The following TMEM74 variants were observed in gnomAD, a reference collection of about 807,000 sequenced individuals.
The protein encoded by TMEM74 is transmembrane protein 74.
TMEM74 carries 13 observed loss-of-function variants against 18.1 expected under a neutral mutation model. The ratio of observed to expected loss-of-function variants is 0.72; its 90% CI spans 0.47 to 1.14. The LOEUF is 1.14. Among genes scored for constraint, TMEM74 ranks in the 50% most tolerant of loss-of-function variants. The pLI is 0.00. For missense variants in TMEM74, 372 were observed against 375.9 expected (o/e 0.99, Z 0.09); for synonymous variants, 159 against 146.6 (o/e 1.08, Z -0.61).
chr8:108,612,786 C>G, intron 2 of TMEM74, among the ~76,000 whole-genome samples: 1 of 152,176 alleles, frequency 6.6e-6, no homozygotes, highest in Non-Finnish European at 1.5e-5. Context: ...TGCATCCTGG[C>G]TCTAGTTTCT....
intron 1 of TMEM74, among the ~76,000 whole-genome samples, chr8:108,681,831 A>G (rs1018611684): frequency 6.6e-6 from 1 of 152,168 alleles, no homozygotes; most frequent in Non-Finnish European, 1.5e-5. Flanking sequence ...TGTTGTGTGT[A>G]TTTTATTAAA....
At chr8:108,681,276 G>T (rs1252436469) in intron 1 of TMEM74, among the ~76,000 whole-genome samples, 3 of 152,184 alleles carry the variant, frequency 2.0e-5, no homozygotes, top group African/African-American at 4.8e-5. Context: ...ATACTACAAG[G>T]CTACAGTAAC....
intron 1 of TMEM74, among the ~76,000 whole-genome samples, chr8:108,729,143 G>T (rs1283207626): frequency 1.3e-5 from 2 of 152,126 alleles, no homozygotes; most frequent in Admixed American, 1.3e-4. Context: ...CCTTACTGAA[G>T]GCAAAGGGAA....
Position 108,706,809 on chromosome 8 carries a change from G to GTGTGTA in TMEM74, n.120-51373_120-51372insTACACA, listed in dbSNP as rs1481634678. 2.6e-4 allele frequency among the ~76,000 whole-genome samples: 40 copies of GTGTGTA among 151,396 alleles called. 1 individual carries two copies. Among genetic ancestry groups the GTGTGTA allele is most frequent in the South Asian group, 1.3e-3 (6 of 4,780 alleles). On this transcript the variant is annotated intron_variant and non_coding_transcript_variant, in intron 1 of 3. Transcript: ENST00000518838. ...TGTGTGTGTGTGTGTGTGTGTGTGT[G>GTGTGTA]TATGCAAGCACATGCATGTAAAATA...
At chr8:108,778,552 T>A (rs950478239), downstream of TMEM74, among the ~76,000 whole-genome samples, 2 of 152,198 alleles carry the variant, frequency 1.3e-5, no homozygotes, top group Admixed American at 1.3e-4. Context: ...AGGATGTAGA[T>A]AAGAATCTTG....
At chr8:108,763,044 T>C (rs1563545492) in intron 1 of TMEM74, among the ~76,000 whole-genome samples, 2 of 152,128 alleles carry the variant, frequency 1.3e-5, no homozygotes, top group Non-Finnish European at 2.9e-5. Flanking sequence ...TCCTCCAAAT[T>C]GTTTTCTTTT....
At chr8:108,608,489 T>C (rs981316534) in intron 3 of TMEM74, among the ~76,000 whole-genome samples, 4 of 152,112 alleles carry the variant, frequency 2.6e-5, no homozygotes, top group Non-Finnish European at 5.9e-5. Flanking sequence ...GTGGCAATAA[T>C]ACCTGGCACA....
intron 1 of TMEM74, among the ~76,000 whole-genome samples, chr8:108,726,593 G>A (rs997816438): frequency 6.6e-6 from 1 of 152,066 alleles, no homozygotes; most frequent in African/African-American, 2.4e-5. Flanking sequence ...GGAGATTCAC[G>A]AATCTTATCA....
intron 2 of TMEM74, among the ~76,000 whole-genome samples, chr8:108,623,258 C>T (rs1812460727): frequency 6.6e-6 from 1 of 152,102 alleles, no homozygotes; most frequent in African/African-American, 2.4e-5. Flanking sequence ...TTTCTAAATG[C>T]TGTGAAACAT....
chr8:108,655,696 T>C (rs1315822045), intron 1 of TMEM74, among the ~76,000 whole-genome samples: 3 of 152,180 alleles, frequency 2.0e-5, no homozygotes, highest in Non-Finnish European at 1.5e-5. Context: ...GTCTTCTTCA[T>C]AGGCATCAAC....
In TMEM74 at chr8:108,646,263, T is replaced by G. The variant is rs372570331; in HGVS notation, n.264+9030A>C. Among the ~76,000 whole-genome samples the G allele has an allele frequency of 6.0e-4, 91 of 152,152 alleles. 1 individual carries two copies. Among genetic ancestry groups the G allele is most frequent in the African/African-American group, 2.1e-3 (87 of 41,520 alleles). On this transcript the variant is annotated intron_variant and non_coding_transcript_variant, in intron 2 of 3. Coordinates refer to the TMEM74 transcript ENST00000518838. ...ATTTTAAGAAAGTCAGTGTAGTGCT[T>G]GGGTTGAGGGAATAGGTTTAGGAAT...
intron 1 of TMEM74, among the ~76,000 whole-genome samples, chr8:108,678,495 G>C (rs1456211091): frequency 6.6e-6 from 1 of 150,680 alleles, no homozygotes; most frequent in Non-Finnish European, 1.5e-5. Context: ...CTCTCAAGTA[G>C]CTGAGATTAC....
intron 2 of TMEM74, among the ~76,000 whole-genome samples, chr8:108,632,856 G>A (rs1479432703): frequency 6.6e-6 from 1 of 151,942 alleles, no homozygotes; most frequent in Non-Finnish European, 1.5e-5. Flanking sequence ...ATCACTCTCA[G>A]TTCTAAAATG....
At chr8:108,756,675 A>T in intron 1 of TMEM74, among the ~76,000 whole-genome samples, 1 of 105,288 alleles carries the variant, frequency 9.5e-6, no homozygotes, top group Non-Finnish European at 1.9e-5. Context: ...AAAGAAAGAA[A>T]GAAAGAAAGA....
intron 1 of TMEM74, among the ~76,000 whole-genome samples, chr8:108,742,596 T>G (rs925616738): frequency 1.3e-5 from 2 of 152,184 alleles, no homozygotes; most frequent in East Asian, 3.9e-4. Context: ...TTCTATCCTA[T>G]TTATACTATT....
At chr8:108,632,193 G>A (rs1812559428) in intron 2 of TMEM74, among the ~76,000 whole-genome samples, 1 of 151,972 alleles carries the variant, frequency 6.6e-6, no homozygotes, top group Non-Finnish European at 1.5e-5. Flanking sequence ...TACAGGACAT[G>A]TGAATGAATT....
intron 2 of TMEM74, among the ~76,000 whole-genome samples, chr8:108,645,855 A>T (rs1812712350): frequency 6.6e-6 from 1 of 152,096 alleles, no homozygotes; most frequent in South Asian, 2.1e-4. Flanking sequence ...ACAATGCTGG[A>T]GGAGGAGAAC....
intron 1 of TMEM74, among the ~76,000 whole-genome samples, chr8:108,712,960 T>C (rs1011263388): frequency 6.6e-6 from 1 of 152,158 alleles, no homozygotes; most frequent in Non-Finnish European, 1.5e-5. Context: ...ATGCTAGGAA[T>C]TGTAGTTTTA....
At position 108,779,149 on chromosome 8, in the gene TMEM74, C is replaced by T. The variant is rs900208602; in HGVS notation, c.*5032G>A. On this transcript the variant is annotated 3_prime_UTR_variant, in exon 2 of 2. Transcript: ENST00000297459. ...CACTTGCTATTAACATATAAGGCAT[C>T]AAGTGCCCTAAGAAAGAGCTCATAA... Among the ~76,000 whole-genome samples the T allele has an allele frequency of 2.0e-5, 3 of 152,116 alleles. No individual in the cohort carries two copies. The highest frequency in any genetic ancestry group is 7.2e-5 in the African/African-American group (3 of 41,428).
Sources: allele counts gnomAD v4.1 joint callset (sites outside exome capture counted in the v4.1 genomes callset), GRCh38; gene constraint gnomAD v4.1.1; transcripts MANE v1.5; gene names NCBI Gene and HGNC (gene_info 2026-07-23, HGNC 2026-07-21).